PLCL1: variants seen among roughly 807,000 people sequenced by gnomAD.
PLCL1 encodes the protein phospholipase C like 1 (inactive).
Under a neutral mutation model 84.4 loss-of-function variants are expected in PLCL1, and 41 were observed. The ratio of observed to expected loss-of-function variants is 0.49; its 90% CI spans 0.38 to 0.63. PLCL1 has a LOEUF of 0.63. PLCL1 is among the 30% of genes least tolerant of loss of function. The pLI, the probability that PLCL1 is intolerant of heterozygous loss-of-function variation, is 0.00. For missense variants in PLCL1, 1,206 were observed against 1,367.8 expected, an observed-to-expected ratio of 0.88 and a Z score of 1.87; for synonymous variants, 490 against 488.3, an observed-to-expected ratio of 1.00 and a Z score of -0.05.
intron 1 of PLCL1, among the ~76,000 whole-genome samples, chr2:197,834,202 C>T (rs1445798246): frequency 6.6e-6 from 1 of 151,572 alleles, no homozygotes; most frequent in Admixed American, 6.6e-5. Context: ...TACCTAAAAC[C>T]ATAAAAAACC....
At chr2:197,878,490 A>AAT (rs1225814991) in intron 1 of PLCL1, among the ~76,000 whole-genome samples, 2 of 152,206 alleles carry the variant, frequency 1.3e-5, no homozygotes, top group Non-Finnish European at 2.9e-5. Context: ...AACTGTGATT[A>AAT]AAGTCAGCCT....
At chr2:197,886,454 T>TAAAAAAAAAAA (rs1687925468) in intron 1 of PLCL1, among the ~76,000 whole-genome samples, 96 of 90,474 alleles carry the variant, frequency 1.1e-3, no homozygotes, top group Middle Eastern at 5.8e-3. Context: ...AAAAAAAAAG[T>TAAAAAAAAAAA]AAAATTCTTC....
chr2:197,842,656 C>A (rs1236124646), intron 1 of PLCL1, among the ~76,000 whole-genome samples: 1 of 151,950 alleles, frequency 6.6e-6, no homozygotes, highest in Non-Finnish European at 1.5e-5. Context: ...TTTCTGATTT[C>A]TCAACACCCA....
chr2:198,104,377 T>A (rs1436995011), intron 5 of PLCL1, among the ~76,000 whole-genome samples: 2 of 152,066 alleles, frequency 1.3e-5, no homozygotes, highest in African/African-American at 4.8e-5. Flanking sequence ...GATCTTATTC[T>A]TTTTTATGGC....
chr2:197,860,292 G>A (rs1359249442), intron 1 of PLCL1, among the ~76,000 whole-genome samples: 1 of 152,024 alleles, frequency 6.6e-6, no homozygotes, highest in Non-Finnish European at 1.5e-5. Context: ...GGGCATTTAG[G>A]TTGATTCCAT....
At chr2:198,089,685 T>C (rs1692971194) in intron 3 of PLCL1, among the ~76,000 whole-genome samples, 1 of 152,174 alleles carries the variant, frequency 6.6e-6, no homozygotes, top group Admixed American at 6.6e-5. Flanking sequence ...ATGGAAAATA[T>C]CATTTCAAGG....
intron 5 of PLCL1, among the ~76,000 whole-genome samples, chr2:198,114,904 A>C (rs1180246143): frequency 6.6e-6 from 1 of 151,874 alleles, no homozygotes; most frequent in Non-Finnish European, 1.5e-5. Flanking sequence ...GAATTTAGAT[A>C]GAGAATCTGT....
In PLCL1 at chr2:197,961,277, A is replaced by G. The variant is rs76670091; in HGVS notation, c.241-122481A>G. Among the ~76,000 whole-genome samples the G allele has an allele frequency of 5.5e-3, 663 of 120,870 alleles. 4 individuals carry two copies. The highest frequency in any genetic ancestry group is 0.019 in the African/African-American group (640 of 34,394). 79.3% of individuals were successfully genotyped at this position (120,870 alleles called of 152,430 possible). A position where few individuals can be genotyped will look rare whatever the true frequency, so the allele number is the denominator to read the frequency against. On this transcript the variant is annotated intron_variant, in intron 1 of 5. Transcript: ENST00000428675. ...AGAGAGAGAGAGAGAGCGAGCATGC[A>G]TAGGTTTTAATGTCTAACATTAGAT...
intron 1 of PLCL1, among the ~76,000 whole-genome samples, chr2:197,899,187 G>A (rs971657414): frequency 2.0e-5 from 3 of 152,142 alleles, no homozygotes; most frequent in Admixed American, 1.3e-4. Context: ...GAATAATGAT[G>A]CTAGTGATTA....
At chr2:198,139,391 A>G (rs146159639) in intron 5 of PLCL1, among the ~76,000 whole-genome samples, 1 of 152,108 alleles carries the variant, frequency 6.6e-6, no homozygotes, top group Non-Finnish European at 1.5e-5. Flanking sequence ...TTGCATTATC[A>G]TTTTCCATTA....
intron 1 of PLCL1, among the ~76,000 whole-genome samples, chr2:197,887,929 C>T (rs759762905): frequency 1.1e-4 from 16 of 151,962 alleles, no homozygotes; most frequent in Non-Finnish European, 2.1e-4. Flanking sequence ...CATAGTGAGA[C>T]CCTGTCTCTA....
At chr2:197,927,748 G>A (rs1346244597) in intron 1 of PLCL1, among the ~76,000 whole-genome samples, 1 of 152,170 alleles carries the variant, frequency 6.6e-6, no homozygotes, top group Non-Finnish European at 1.5e-5. Context: ...TTTGATTCAA[G>A]TGTGCATGGG....
Position 197,943,295 on chromosome 2 carries a change from A to T in PLCL1, c.240+137956A>T, listed in dbSNP as rs188584625. 3.4e-3 allele frequency among the ~76,000 whole-genome samples: 510 copies of T among 152,060 alleles called. 3 individuals are homozygous for T. Among genetic ancestry groups the T allele is most frequent in the African/African-American group, 0.012 (492 of 41,490 alleles). On this transcript the variant is annotated intron_variant, in intron 1 of 5. Transcript: ENST00000428675. ...TTTTTCATTATTTCTTGATTATTTA[A>T]ATTTTAAAAATTATGGTGAAAGTAT... is the stretch of plus-strand genomic sequence containing the variant.
At chr2:197,966,845 ATTTT>A (rs34706360) in intron 1 of PLCL1, among the ~76,000 whole-genome samples, 5 of 100,250 alleles carry the variant, frequency 5.0e-5, no homozygotes, top group Non-Finnish European at 7.9e-5. Context: ...ATCCATACTA[ATTTT>A]TTTTTTTTTT....
intron 1 of PLCL1, among the ~76,000 whole-genome samples, chr2:197,874,438 T>C (rs1687700625): frequency 6.6e-6 from 1 of 152,146 alleles, no homozygotes; most frequent in Non-Finnish European, 1.5e-5. Context: ...AAATTTGTTT[T>C]TTATAATGAA....
chr2:198,004,092 A>T (rs1690669352), intron 1 of PLCL1, among the ~76,000 whole-genome samples: 1 of 152,198 alleles, frequency 6.6e-6, no homozygotes, highest in African/African-American at 2.4e-5. Context: ...CTATATATTA[A>T]ATTAAACTTT....
At chr2:197,847,116 C>T (rs1559023476) in intron 1 of PLCL1, among the ~76,000 whole-genome samples, 3 of 152,078 alleles carry the variant, frequency 2.0e-5, no homozygotes. Context: ...GGTCAGAAAG[C>T]ACTTGACGGA....
intron 1 of PLCL1, among the ~76,000 whole-genome samples, chr2:197,938,018 C>T (rs775584254): frequency 9.8e-5 from 15 of 152,288 alleles, no homozygotes; most frequent in African/African-American, 2.9e-4. Flanking sequence ...GTTACTCCCA[C>T]GTCACTGGCA....
chr2:198,114,823 C>G (rs932323314), intron 5 of PLCL1, among the ~76,000 whole-genome samples: 3 of 139,942 alleles, frequency 2.1e-5, no homozygotes. Context: ...ATATATATAT[C>G]TATATATACA....
Sources: allele counts gnomAD v4.1 joint callset (sites outside exome capture counted in the v4.1 genomes callset), GRCh38; gene constraint gnomAD v4.1.1; transcripts MANE v1.5; gene names NCBI Gene and HGNC (gene_info 2026-07-23, HGNC 2026-07-21).